RNF157: variants seen among roughly 807,000 people sequenced by gnomAD.
The protein encoded by RNF157 is E3 ubiquitin ligase RNF157.
In RNF157, 55 loss-of-function variants were observed where a neutral mutation model predicts 88.3. That is an observed-to-expected ratio of 0.62 (90% CI 0.50 to 0.78). The LOEUF (loss-of-function observed/expected upper bound fraction) is 0.78, where lower values mean the gene tolerates loss of function less well. Ranked by LOEUF, RNF157 falls within the 30% of genes least tolerant of loss-of-function variation. The pLI, the probability that RNF157 is intolerant of heterozygous loss-of-function variation, is 0.00. For synonymous variants in RNF157, 334 were observed against 341.2 expected, an observed-to-expected ratio of 0.98 and a Z score of 0.23; for missense variants, 788 against 860.8, an observed-to-expected ratio of 0.92 and a Z score of 1.06.
rs895871028 is a variant in RNF157, at chr17:76,161,737, G to A, written c.953-90C>T. ...GACAGAAACCATGATCCCTCCCAGC[G>A]CGCATCCGTTTGTCAGATCCAGCAG... On this transcript the variant is annotated intron_variant, in intron 10 of 18. Coordinates refer to ENST00000269391, the MANE Select transcript of RNF157 (RefSeq NM_052916.3). This position sits in a 1 kb window ranked among gnomAD's most constrained non-coding sequence, Gnocchi z 4.6. The A allele has an allele frequency of 3.2e-5, 48 of 1,520,676 alleles. No individual in the cohort carries two copies. In the African/African-American group the frequency reaches 4.7e-4, roughly 15 times the overall value. 94.2% of individuals were successfully genotyped at this position (1,520,676 alleles called of 1,614,324 possible). A position where few individuals can be genotyped will look rare whatever the true frequency, so the allele number is the denominator to read the frequency against.
intron 9 of RNF157, 136 bp from the exon 10 acceptor site, chr17:76,162,138 C>T (rs2068855143): frequency 1.1e-6 from 1 of 890,746 alleles, no homozygotes; most frequent in Non-Finnish European, 1.7e-6. Context: ...TGGACTTTGT[C>T]ATTTTCCCAG....
chr17:76,162,496 G>T, intron 9 of RNF157, 56 bp downstream of exon 9: 1 of 1,355,456 alleles, frequency 7.4e-7, no homozygotes, highest in Non-Finnish European at 1.1e-6. Context: ...GCTGGCTTAC[G>T]ATTTCTCACT....
rs993048300 is a variant in RNF157, at chr17:76,160,817, A to G, written c.1065+718T>C. Among the ~76,000 whole-genome samples the G allele has an allele frequency of 2.0e-4, 31 of 151,712 alleles. No individual in the cohort carries two copies. The highest frequency in any genetic ancestry group is 7.0e-4 in the African/African-American group (29 of 41,554). Reference sequence around the variant, plus strand: ...TTTCCAATCCAAAGTCAACTAAATAATCATCTATAATTTATTCTAGATTTT... The same window carrying G: ...TTTCCAATCCAAAGTCAACTAAATAGTCATCTATAATTTATTCTAGATTTT... On this transcript the variant is annotated intron_variant, in intron 11 of 18. Coordinates refer to ENST00000269391, the MANE Select transcript of RNF157 (RefSeq NM_052916.3). This position sits in a 1 kb window ranked among gnomAD's most constrained non-coding sequence, Gnocchi z 4.3.
At chr17:76,215,003 C>T (rs1490752922) in intron 1 of RNF157, among the ~76,000 whole-genome samples, 2 of 152,102 alleles carry the variant, frequency 1.3e-5, no homozygotes, top group Admixed American at 6.5e-5. Flanking sequence ...GTAAAGGACA[C>T]ATCCCATAAT....
At chr17:76,200,220 C>A (rs986661668) in intron 2 of RNF157, among the ~76,000 whole-genome samples, 1 of 150,720 alleles carries the variant, frequency 6.6e-6, no homozygotes, top group African/African-American at 2.4e-5. Flanking sequence ...CCAGCCTGGG[C>A]GACAGAGCGG....
intron 1 of RNF157, among the ~76,000 whole-genome samples, chr17:76,238,280 G>A (rs1387263559): frequency 6.6e-6 from 1 of 152,194 alleles, no homozygotes; most frequent in Admixed American, 6.5e-5. Context: ...AAGGTTTGCT[G>A]ACAGAGACAG....
intron 1 of RNF157, among the ~76,000 whole-genome samples, chr17:76,238,017 G>T (rs2070310887): frequency 6.6e-6 from 1 of 151,182 alleles, no homozygotes; most frequent in African/African-American, 2.4e-5. Context: ...CCTAGAGGCA[G>T]AGGTTGCAGT....
intron 2 of RNF157, among the ~76,000 whole-genome samples, chr17:76,198,729 C>A (rs1199788430): frequency 1.3e-5 from 2 of 152,238 alleles, no homozygotes; most frequent in African/African-American, 4.8e-5. Flanking sequence ...TAAAATGTGT[C>A]TTCTGTGAGC....
intron 1 of RNF157, among the ~76,000 whole-genome samples, chr17:76,215,620 G>A (rs879796388): frequency 6.0e-5 from 9 of 149,726 alleles, no homozygotes; most frequent in Non-Finnish European, 7.4e-5. Context: ...GAAAATTCTA[G>A]CAAAAACTGA....
intron 2 of RNF157, among the ~76,000 whole-genome samples, chr17:76,202,111 TTCTCTC>T (rs374396479): frequency 4.5e-5 from 6 of 133,900 alleles, no homozygotes; most frequent in African/African-American, 1.9e-4. Context: ...CAATCTCAGT[TTCTCTC>T]TCTCTCTCTC....
intron 1 of RNF157, among the ~76,000 whole-genome samples, chr17:76,217,254 C>T (rs1185473582): frequency 1.3e-5 from 2 of 152,002 alleles, no homozygotes; most frequent in South Asian, 2.1e-4. Flanking sequence ...AGAGACCTGC[C>T]CGCCTCAGCC....
Position 76,167,738 on chromosome 17 carries a change from T to C in RNF157, c.356A>G (p.Asn119Ser), listed in dbSNP as rs760036800. The C allele has an allele frequency of 1.9e-6, 3 of 1,614,084 alleles. No homozygotes were observed. In the African/African-American group the frequency reaches 4.0e-5, roughly 22 times the overall value. Residue 119 changes from asparagine (N) to serine (S), a missense_variant, in exon 4 of 19, where the codon AAT becomes AGT. Coordinates refer to ENST00000269391, the MANE Select transcript of RNF157 (RefSeq NM_052916.3). Reference protein sequence around the residue: ...EEASKAKVHYNVEFTFDTDAR... With the variant: ...EEASKAKVHYSVEFTFDTDAR... Reference sequence around the variant, plus strand: ...ATCTGTGTCAAAGGTGAACTCAACATTGTAGTGGACTTTAGCTTTACTGGC... The same window carrying C: ...ATCTGTGTCAAAGGTGAACTCAACACTGTAGTGGACTTTAGCTTTACTGGC...
chr17:76,146,552 G>C lies in RNF157; in HGVS notation c.1922-1199C>G. The C allele has an allele frequency of 1.0e-6, 1 of 985,416 alleles. No homozygotes were observed. The highest frequency in any genetic ancestry group is 1.2e-6 in the Non-Finnish European group (1 of 829,908). The allele number at this position is 985,416 out of a possible 1,614,324, so 61.0% of individuals were successfully genotyped here. On this transcript the variant is annotated intron_variant, in intron 18 of 18. Transcript: ENST00000269391. The surrounding 1 kb of genome is among the most constrained non-coding windows in gnomAD (Gnocchi z 4.2). ...GGGTAGGGAAGGCATGTCGTCCTCC[G>C]GACCCTGTGGGCCTCCCCAGCCGTG...
intron 1 of RNF157, chr17:76,225,908 C>T: frequency 6.2e-7 from 1 of 1,613,476 alleles, no homozygotes; most frequent in Non-Finnish European, 8.5e-7. Flanking sequence ...CTGCTCCGCC[C>T]TCTTCTTCTG....
intron 16 of RNF157, 194 bp from the exon 17 acceptor site, chr17:76,154,522 A>G: frequency 5.0e-6 from 3 of 599,982 alleles, no homozygotes; most frequent in Non-Finnish European, 9.0e-6. Context: ...CCATCTGCCT[A>G]CAGGGATTAG....
Position 76,167,728 on chromosome 17 carries a change from GAACTC to G in RNF157, c.361_365del (p.Glu121HisfsTer3), listed in dbSNP as rs1213129685. The G allele has an allele frequency of 4.3e-6, 7 of 1,614,056 alleles. No homozygotes were observed. In the Admixed American group the frequency reaches 5.0e-5, roughly 12 times the overall value. On this transcript the variant is annotated frameshift_variant, in exon 4 of 19. Coordinates refer to ENST00000269391, the MANE Select transcript of RNF157 (RefSeq NM_052916.3). LOFTEE classifies it high-confidence loss of function. ...CTACCCGAGCATCTGTGTCAAAGGT[GAACTC>G]AACATTGTAGTGGACTTTAGCTTTA...
At position 76,173,655 on chromosome 17, in the gene RNF157, C is replaced by T. The variant is rs1346168686; in HGVS notation, c.296+47G>A. ...AGTCTGTCCCCCAGCCCCCAGCCTC[C>T]CCAAAGGAAGGTGCCTGGGACCTGG... On this transcript the variant is annotated intron_variant, in intron 3 of 18. Coordinates refer to ENST00000269391, the MANE Select transcript of RNF157 (RefSeq NM_052916.3). 1.4e-5 allele frequency: 20 copies of T among 1,459,424 alleles called. 2 individuals carry two copies. The South Asian group carries it at 2.4e-4, about 17-fold the overall frequency. The allele number at this position is 1,459,424 out of a possible 1,614,324, so 90.4% of individuals were successfully genotyped here. A position where few individuals can be genotyped will look rare whatever the true frequency, so the allele number is the denominator to read the frequency against.
chr17:76,225,302 T>C (rs557681121), intron 1 of RNF157, among the ~76,000 whole-genome samples: 1 of 152,280 alleles, frequency 6.6e-6, no homozygotes, highest in Non-Finnish European at 1.5e-5. Context: ...CTGGGCAACA[T>C]AGCAAGACTC....
chr17:76,227,441 G>C (rs2070112328), intron 1 of RNF157, among the ~76,000 whole-genome samples: 1 of 151,954 alleles, frequency 6.6e-6, no homozygotes, highest in African/African-American at 2.4e-5. Flanking sequence ...TCAGAGGACT[G>C]ACTCTATAAC....
Sources: allele counts gnomAD v4.1 joint callset (sites outside exome capture counted in the v4.1 genomes callset), GRCh38; gene constraint gnomAD v4.1.1; non-coding constraint Gnocchi (gnomAD v3.1); transcripts MANE v1.5; gene names NCBI Gene and HGNC (gene_info 2026-07-23, HGNC 2026-07-21).